Variants in LRRTM3 observed in about 807,000 individuals in gnomAD.
LRRTM3 encodes leucine-rich repeat transmembrane neuronal protein 3.
A neutral mutation model predicts 44.7 loss-of-function variants in LRRTM3; 24 were observed. The observed-to-expected ratio is 0.54, with a 90% confidence interval of 0.39 to 0.76. The LOEUF (loss-of-function observed/expected upper bound fraction) is 0.76, where lower values mean the gene tolerates loss of function less well. Ranked by LOEUF, LRRTM3 falls within the 30% of genes least tolerant of loss-of-function variation. The pLI, the probability that LRRTM3 is intolerant of heterozygous loss-of-function variation, is 0.00. For synonymous variants in LRRTM3, 277 were observed against 278.7 expected (o/e 0.99, Z 0.06); for missense variants, 587 against 702.2 (o/e 0.84, Z 1.85).
intron 2 of LRRTM3, among the ~76,000 whole-genome samples, chr10:67,094,103 A>G (rs1857824864): frequency 6.6e-6 from 1 of 151,994 alleles, no homozygotes; most frequent in Non-Finnish European, 1.5e-5. Context: ...ATAGAGAAGA[A>G]AAGATATTAC....
intron 2 of LRRTM3, among the ~76,000 whole-genome samples, chr10:66,952,864 C>T (rs972937231): frequency 6.6e-6 from 1 of 151,972 alleles, no homozygotes; most frequent in Non-Finnish European, 1.5e-5. Context: ...GATACAAAAA[C>T]AGGTTCTTCC....
At chr10:66,965,852 A>T (rs1275232249) in intron 2 of LRRTM3, among the ~76,000 whole-genome samples, 2 of 152,162 alleles carry the variant, frequency 1.3e-5, no homozygotes, top group Non-Finnish European at 2.9e-5. Flanking sequence ...TAATGATTTC[A>T]TGAAATGTGC....
chr10:67,010,192 A>C (rs1852231598), intron 2 of LRRTM3, among the ~76,000 whole-genome samples: 2 of 152,208 alleles, frequency 1.3e-5, no homozygotes, highest in Non-Finnish European at 2.9e-5. Flanking sequence ...TACACATATC[A>C]TTTATAAATA....
chr10:66,942,730 A>T (rs1229213040), intron 2 of LRRTM3, among the ~76,000 whole-genome samples: 8 of 152,152 alleles, frequency 5.3e-5, no homozygotes, highest in Non-Finnish European at 1.0e-4. Context: ...ACTCAAGAGA[A>T]CATGCTATTG....
chr10:67,027,754 G>A (rs1423704030), intron 2 of LRRTM3, among the ~76,000 whole-genome samples: 1 of 152,022 alleles, frequency 6.6e-6, no homozygotes, highest in Non-Finnish European at 1.5e-5. Flanking sequence ...TTGTCCATAG[G>A]TATTTCTGAG....
chr10:67,029,873 G>A (rs919633919), intron 2 of LRRTM3, among the ~76,000 whole-genome samples: 3 of 152,226 alleles, frequency 2.0e-5, no homozygotes, highest in South Asian at 2.1e-4. Context: ...AAATAGACAC[G>A]TGTGGCTACT....
At chr10:67,036,492 C>A (rs1854066131) in intron 2 of LRRTM3, among the ~76,000 whole-genome samples, 1 of 151,954 alleles carries the variant, frequency 6.6e-6, no homozygotes, top group South Asian at 2.1e-4. Context: ...GGTGAAACCC[C>A]GTCTCTACTA....
intron 2 of LRRTM3, among the ~76,000 whole-genome samples, chr10:66,960,761 T>C (rs2132769187): frequency 6.6e-6 from 1 of 152,314 alleles, no homozygotes; most frequent in Non-Finnish European, 1.5e-5. Flanking sequence ...ATAGGATCTA[T>C]GGTGGATAGC....
intron 2 of LRRTM3, among the ~76,000 whole-genome samples, chr10:67,034,277 TC>T (rs1853908370): frequency 6.6e-6 from 1 of 152,174 alleles, no homozygotes; most frequent in South Asian, 2.1e-4. Flanking sequence ...TGCCAAGCAA[TC>T]ATTTGCCAAG....
chr10:67,024,528 C>A (rs1196951108), intron 2 of LRRTM3, among the ~76,000 whole-genome samples: 1 of 152,118 alleles, frequency 6.6e-6, no homozygotes, highest in African/African-American at 2.4e-5. Flanking sequence ...ATTTGGCCTA[C>A]CATAAGACCA....
intron 2 of LRRTM3, among the ~76,000 whole-genome samples, chr10:67,014,048 G>T (rs576796886): frequency 6.6e-6 from 1 of 152,226 alleles, no homozygotes; most frequent in South Asian, 2.1e-4. Context: ...AAGGGGGAGT[G>T]TAAAAAATAA....
chr10:67,068,923 G>C (rs1856262279), intron 2 of LRRTM3, among the ~76,000 whole-genome samples: 1 of 152,064 alleles, frequency 6.6e-6, no homozygotes, highest in African/African-American at 2.4e-5. Flanking sequence ...AGCTGGGCCT[G>C]GTGGCAGGTA....
intron 2 of LRRTM3, among the ~76,000 whole-genome samples, chr10:66,990,654 A>C (rs1925608): frequency 0.48 from 73,320 of 151,866 alleles, 18,297 homozygotes; most frequent in African/African-American, 0.58. Flanking sequence ...TGGACCAGAT[A>C]AGTGTCCTTT....
intron 2 of LRRTM3, among the ~76,000 whole-genome samples, chr10:67,064,869 G>A (rs12764110): frequency 0.26 from 39,419 of 151,882 alleles, 6,116 homozygotes; most frequent in Middle Eastern, 0.45. Context: ...TTATATGTAA[G>A]TATTTGCAGG....
chr10:67,050,077 G>T (rs776825169), intron 2 of LRRTM3, among the ~76,000 whole-genome samples: 3 of 152,148 alleles, frequency 2.0e-5, no homozygotes, highest in Non-Finnish European at 4.4e-5. Flanking sequence ...TTCACATAAA[G>T]ATATAAAGCT....
chr10:66,946,945 T>C (rs1225008551), intron 2 of LRRTM3, among the ~76,000 whole-genome samples: 1 of 152,182 alleles, frequency 6.6e-6, no homozygotes, highest in Admixed American at 6.5e-5. Context: ...ATCTTAATCT[T>C]AGAATATTTT....
intron 2 of LRRTM3, among the ~76,000 whole-genome samples, chr10:67,045,617 C>T (rs180759554): frequency 1.3e-5 from 2 of 152,298 alleles, no homozygotes; most frequent in South Asian, 2.1e-4. Context: ...GCTGCCTTTG[C>T]GGCCAGACCC....
At chr10:67,054,925 A>G (rs1855333141) in intron 2 of LRRTM3, 1 of 152,188 alleles carries the variant, frequency 6.6e-6, no homozygotes, top group Admixed American at 6.5e-5. Flanking sequence ...CTGTCATTAT[A>G]ATGTTAAATC....
chr10:66,950,426 CTGTT>C (rs1360383564), intron 2 of LRRTM3, among the ~76,000 whole-genome samples: 1 of 151,912 alleles, frequency 6.6e-6, no homozygotes, highest in African/African-American at 2.4e-5. Flanking sequence ...TAATAAATGT[CTGTT>C]TAAAGAATCA....
Sources: gnomAD v4.1 joint callset for allele counts (sites outside exome capture counted in the v4.1 genomes callset) on GRCh38, gnomAD v4.1.1 for gene constraint, MANE v1.5 for transcripts, NCBI Gene and HGNC (gene_info 2026-07-23, HGNC 2026-07-21) for gene names.